The following DOK6 variants were observed in gnomAD, a reference collection of about 807,000 sequenced individuals.
The protein encoded by DOK6 is docking protein 6, also known as downstream of tyrosine kinase 6.
In DOK6, 22 loss-of-function variants were observed where a neutral mutation model predicts 44.0. The observed-to-expected ratio is 0.50, with a 90% confidence interval of 0.36 to 0.71. The LOEUF (loss-of-function observed/expected upper bound fraction) is 0.71. Among genes scored for constraint, DOK6 ranks in the 30% least tolerant of loss-of-function variants. DOK6 has a pLI of 0.00. For missense variants in DOK6, 340 were observed against 416.4 expected (o/e 0.82, Z 1.60); for synonymous variants, 166 against 145.5 (o/e 1.14, Z -1.01).
chr18:69,709,723 G>A (rs1986716056), intron 5 of DOK6, among the ~76,000 whole-genome samples: 2 of 152,170 alleles, frequency 1.3e-5, no homozygotes, highest in South Asian at 4.1e-4. Context: ...AAAGGGTAAA[G>A]AAAAAAGATA....
chr18:69,489,474 G>C (rs1458198177), intron 1 of DOK6, among the ~76,000 whole-genome samples: 4 of 152,134 alleles, frequency 2.6e-5, no homozygotes, highest in African/African-American at 4.8e-5. Context: ...CCATAGTGGG[G>C]AAGTGTGTAC....
At chr18:69,481,850 G>A (rs1335295944) in intron 1 of DOK6, among the ~76,000 whole-genome samples, 1 of 152,162 alleles carries the variant, frequency 6.6e-6, no homozygotes, top group East Asian at 1.9e-4. Context: ...CAGAGTAAAA[G>A]TGTTCCTATT....
intron 5 of DOK6, among the ~76,000 whole-genome samples, chr18:69,706,484 T>A (rs185559553): frequency 1.3e-3 from 195 of 152,282 alleles, no homozygotes; most frequent in Non-Finnish European, 2.2e-3. Flanking sequence ...TATTTTTAAA[T>A]TTCACATTTG....
intron 1 of DOK6, chr18:69,469,615 G>C (rs1980032082): frequency 4.5e-6 from 1 of 223,852 alleles, no homozygotes; most frequent in African/African-American, 2.3e-5. Context: ...GCTCATCTCA[G>C]GCTTGGTGCT....
At chr18:69,632,327 T>C (rs1331474008) in intron 3 of DOK6, among the ~76,000 whole-genome samples, 1 of 151,896 alleles carries the variant, frequency 6.6e-6, no homozygotes, top group Non-Finnish European at 1.5e-5. Flanking sequence ...ATGCATTTTC[T>C]AGTTTTTAAT....
At chr18:69,781,963 A>G (rs1439548531) in intron 7 of DOK6, among the ~76,000 whole-genome samples, 1 of 152,160 alleles carries the variant, frequency 6.6e-6, no homozygotes, top group Non-Finnish European at 1.5e-5. Flanking sequence ...TGGGCAGTTT[A>G]TAATTCACAT....
In DOK6 at chr18:69,844,125, G is replaced by A. The variant is rs1982297061; in HGVS notation, c.*2742G>A. 1 of 152,216 alleles carries A rather than the reference G, an allele frequency of 6.6e-6. No homozygotes were observed. The highest frequency in any genetic ancestry group is 2.1e-4 in the South Asian group (1 of 4,826). 9.4% of individuals were successfully genotyped at this position (152,216 alleles called of 1,614,324 possible). On this transcript the variant is annotated 3_prime_UTR_variant, in exon 8 of 8. Transcript: ENST00000382713. ...GTATACCACTCGCTTGGGCTCGTAG[G>A]TTTTTGACTGGGGATGCCTCTACAC...
chr18:69,725,496 T>C (rs1407763713), intron 5 of DOK6, among the ~76,000 whole-genome samples: 1 of 152,212 alleles, frequency 6.6e-6, no homozygotes, highest in East Asian at 1.9e-4. Context: ...TTTTTAAATA[T>C]GTATTTATTG....
In DOK6 at chr18:69,424,248, C is replaced by T. The variant is rs113380603; in HGVS notation, c.66+22938C>T. ...CTGCAAGTTTGCCAGATGGTGTATC[C>T]AAATGCAGCCAAGTAAATTCCAGAA... On this transcript the variant is annotated intron_variant, in intron 1 of 7. Coordinates refer to ENST00000382713, the MANE Select transcript of DOK6 (RefSeq NM_152721.6). 1.1e-3 allele frequency among the ~76,000 whole-genome samples: 163 copies of T among 152,260 alleles called. 1 individual carries two copies. Among genetic ancestry groups the T allele is most frequent in the African/African-American group, 3.7e-3 (153 of 41,554 alleles).
At chr18:69,567,057 A>G (rs1983000548) in intron 2 of DOK6, among the ~76,000 whole-genome samples, 1 of 152,182 alleles carries the variant, frequency 6.6e-6, no homozygotes, top group African/African-American at 2.4e-5. Context: ...CTTAGCTTCC[A>G]CTGTGAGCTG....
At chr18:69,432,427 G>GA (rs756607088) in intron 1 of DOK6, among the ~76,000 whole-genome samples, 1 of 152,114 alleles carries the variant, frequency 6.6e-6, no homozygotes, top group Non-Finnish European at 1.5e-5. Context: ...CTGGGAAACA[G>GA]AGAGAGACCC....
intron 1 of DOK6, among the ~76,000 whole-genome samples, chr18:69,501,901 T>C (rs1267680004): frequency 6.6e-6 from 1 of 152,040 alleles, no homozygotes. Flanking sequence ...TCATTGTTAT[T>C]ATGATCACAT....
chr18:69,420,774 C>A (rs1231872643), intron 1 of DOK6, among the ~76,000 whole-genome samples: 1 of 152,136 alleles, frequency 6.6e-6, no homozygotes, highest in Non-Finnish European at 1.5e-5. Context: ...TGTATTCCAC[C>A]CTTACCCCAG....
chr18:69,507,229 G>C (rs1033434188), intron 1 of DOK6, among the ~76,000 whole-genome samples: 5 of 151,566 alleles, frequency 3.3e-5, no homozygotes, highest in Non-Finnish European at 5.9e-5. Context: ...GGGTTTCACC[G>C]TGTTAGCCAG....
chr18:69,654,474 AT>A (rs1985312054), intron 3 of DOK6, among the ~76,000 whole-genome samples: 1 of 152,262 alleles, frequency 6.6e-6, no homozygotes, highest in Non-Finnish European at 1.5e-5. Context: ...CTGGACTTGA[AT>A]TTTTTGCATA....
chr18:69,844,831 A>T lies in DOK6; in HGVS notation c.*3448A>T, dbSNP rs1175650928. 6.6e-6 allele frequency: 1 copy of T among 152,220 alleles called. No individual in the cohort carries two copies. The highest frequency in any genetic ancestry group is 1.5e-5 in the Non-Finnish European group (1 of 68,036). The allele number at this position is 152,220 out of a possible 1,614,324, so 9.4% of individuals were successfully genotyped here. A position where few individuals can be genotyped will look rare whatever the true frequency, so the allele number is the denominator to read the frequency against. On this transcript the variant is annotated 3_prime_UTR_variant, in exon 8 of 8. Coordinates refer to ENST00000382713, the MANE Select transcript of DOK6 (RefSeq NM_152721.6). ...TTTTTCACCAAATAGTAACTAGAGAACTAGTCCTAGTATCTTGCGTAATTC... is the reference window on the plus strand; with the variant it reads ...TTTTTCACCAAATAGTAACTAGAGATCTAGTCCTAGTATCTTGCGTAATTC...
At chr18:69,635,917 G>A (rs1984796203) in intron 3 of DOK6, among the ~76,000 whole-genome samples, 1 of 152,178 alleles carries the variant, frequency 6.6e-6, no homozygotes, top group Non-Finnish European at 1.5e-5. Flanking sequence ...CGTTTTCAGT[G>A]GAGTCCAGAG....
chr18:69,818,325 G>A (rs540871379), intron 7 of DOK6, among the ~76,000 whole-genome samples: 11 of 152,248 alleles, frequency 7.2e-5, no homozygotes, highest in African/African-American at 2.2e-4. Context: ...TTTGTTCTCC[G>A]TGGACACCCC....
rs1047258137 is a variant in DOK6 at position 69,843,030 on chromosome 18, A to C, written c.*1647A>C. On this transcript the variant is annotated 3_prime_UTR_variant, in exon 8 of 8. Coordinates refer to ENST00000382713, the MANE Select transcript of DOK6 (RefSeq NM_152721.6). ...TGAGTGCAGATTGACAATTCATTTC[A>C]GTGAATTACTACCGAATAAAAGTGG... 2.0e-5 allele frequency: 3 copies of C among 152,164 alleles called. No individual in the cohort carries two copies. The highest frequency in any genetic ancestry group is 2.9e-5 in the Non-Finnish European group (2 of 68,040). 9.4% of individuals were successfully genotyped at this position (152,164 alleles called of 1,614,324 possible).
Sources: allele counts gnomAD v4.1 joint callset (sites outside exome capture counted in the v4.1 genomes callset), GRCh38; gene constraint gnomAD v4.1.1; transcripts MANE v1.5; gene names NCBI Gene and HGNC (gene_info 2026-07-23, HGNC 2026-07-21).